NDUFAF5: variants seen among roughly 807,000 people sequenced by gnomAD.
NDUFAF5 encodes NADH:ubiquinone oxidoreductase complex assembly factor 5, also known as arginine-hydroxylase NDUFAF5, mitochondrial.
NDUFAF5 carries 34 observed loss-of-function variants against 48.9 expected under a neutral mutation model. That is an observed-to-expected ratio of 0.70 (90% confidence interval 0.53 to 0.93). The LOEUF is 0.93. Among genes scored for constraint, NDUFAF5 ranks in the 40% least tolerant of loss-of-function variants. The probability of loss-of-function intolerance (pLI) is 0.00; values close to 1 mark genes in which losing one functional copy is unlikely to be tolerated. For synonymous variants in NDUFAF5, 153 were observed against 150.6 expected (o/e 1.02, Z -0.12); for missense variants, 428 against 427.5 (o/e 1.00, Z -0.01).
At chr20:13,802,905 A>G (rs1390886177) in intron 7 of NDUFAF5, among the ~76,000 whole-genome samples, 3 of 152,128 alleles carry the variant, frequency 2.0e-5, no homozygotes, top group South Asian at 2.1e-4. Flanking sequence ...AAAGGATGTC[A>G]TTACTCTCTT....
Position 13,817,745 on chromosome 20 carries a change from GGAA to G in NDUFAF5, c.*542_*544del, listed in dbSNP as rs1180266026. On this transcript the variant is annotated 3_prime_UTR_variant, in exon 11 of 11. Transcript: ENST00000378106. Reference sequence around the variant, plus strand: ...GGTTTTACACCCCACCCTACCTTAGGGAAGAAGAAAACATTTTAAAGAATACCA... The same window carrying G: ...GGTTTTACACCCCACCCTACCTTAGGGAAGAAAACATTTTAAAGAATACCA... 1 of 453,960 alleles carries G rather than the reference GGAA, an allele frequency of 2.2e-6. No individual in the cohort carries two copies. The highest frequency in any genetic ancestry group is 4.4e-6 in the Non-Finnish European group (1 of 226,762). 28.1% of individuals were successfully genotyped at this position (453,960 alleles called of 1,614,324 possible).
At chr20:13,790,980 A>T (rs1982192222) in intron 3 of NDUFAF5, among the ~76,000 whole-genome samples, 1 of 152,174 alleles carries the variant, frequency 6.6e-6, no homozygotes, top group Non-Finnish European at 1.5e-5. Context: ...TTCTTCTCTT[A>T]CTGGATTTGC....
chr20:13,802,518 A>G (rs1212379170), intron 7 of NDUFAF5, among the ~76,000 whole-genome samples: 2 of 151,960 alleles, frequency 1.3e-5, no homozygotes, highest in Non-Finnish European at 2.9e-5. Context: ...AAAATACAAA[A>G]AATCAGCGAA....
At chr20:13,805,049 C>T (rs1263591731) in intron 7 of NDUFAF5, among the ~76,000 whole-genome samples, 3 of 152,128 alleles carry the variant, frequency 2.0e-5, no homozygotes, top group Non-Finnish European at 4.4e-5. Flanking sequence ...TTACAGTCTA[C>T]CCTCTTGAGA....
At chr20:13,817,058 T>G in intron 10 of NDUFAF5, 60 bp from the exon 11 acceptor site, 1 of 1,564,576 alleles carries the variant, frequency 6.4e-7, no homozygotes, top group Non-Finnish European at 8.8e-7. Flanking sequence ...ATTAAGGGCT[T>G]TAATTGGGGC....
chr20:13,816,754 T>A lies in NDUFAF5; in HGVS notation c.863-121T>A, dbSNP rs1360885351. On this transcript the variant is annotated intron_variant, in intron 9 of 10. Transcript: ENST00000378106. ...AGTATTAAGAATTTTTCATGTAAGATGTTCTCAGAATCTTACAAGTATCCT... is the reference window on the plus strand; with the variant it reads ...AGTATTAAGAATTTTTCATGTAAGAAGTTCTCAGAATCTTACAAGTATCCT... 5 of 778,406 alleles carry A rather than the reference T, an allele frequency of 6.4e-6. No homozygotes were observed. In the Admixed American group the frequency reaches 9.9e-5, roughly 15 times the overall value. The allele number at this position is 778,406 out of a possible 1,614,324, so 48.2% of individuals were successfully genotyped here.
At chr20:13,805,662 G>A (rs562659005) in intron 7 of NDUFAF5, among the ~76,000 whole-genome samples, 37 of 152,102 alleles carry the variant, frequency 2.4e-4, no homozygotes, top group Non-Finnish European at 5.1e-4. Context: ...GTCCTGGCCA[G>A]GCACAGTTGT....
At chr20:13,809,105 C>T in intron 8 of NDUFAF5, 1 of 586,832 alleles carries the variant, frequency 1.7e-6, no homozygotes, top group South Asian at 2.0e-5. Flanking sequence ...AGGCACCAGG[C>T]AGCTGTCACA....
chr20:13,799,623 C>T (rs768973918), intron 6 of NDUFAF5, among the ~76,000 whole-genome samples: 5 of 151,056 alleles, frequency 3.3e-5, no homozygotes, highest in South Asian at 2.1e-4. Flanking sequence ...CTCTTGAACA[C>T]GGGAGGCAGA....
intron 8 of NDUFAF5, among the ~76,000 whole-genome samples, chr20:13,810,798 T>G (rs189754184): frequency 2.0e-5 from 3 of 152,080 alleles, no homozygotes; most frequent in Admixed American, 2.0e-4. Flanking sequence ...AGAGGCAAAG[T>G]TATAGCAGGA....
chr20:13,816,842 T>G (rs1781831722), intron 9 of NDUFAF5, 33 bp from the exon 10 acceptor site: 1 of 1,506,328 alleles, frequency 6.6e-7, no homozygotes, highest in Non-Finnish European at 9.2e-7. Context: ...CTACTTGCAT[T>G]TTTTCAGACT....
Position 13,817,360 on chromosome 20 carries a change from T to C in NDUFAF5, c.*150T>C, listed in dbSNP as rs1402592956. The C allele has an allele frequency of 5.5e-6, 4 of 728,056 alleles. 1 individual carries two copies. The highest frequency in any genetic ancestry group is 5.4e-5 in the East Asian group (2 of 37,306). The allele number at this position is 728,056 out of a possible 1,614,324, so 45.1% of individuals were successfully genotyped here. ...TTAGGAAAACCTAATATCACATCTA[T>C]AGTAACCATTTCAGTTTCATATTGT... On this transcript the variant is annotated 3_prime_UTR_variant, in exon 11 of 11. Coordinates refer to ENST00000378106, the MANE Select transcript of NDUFAF5 (RefSeq NM_024120.5).
intron 7 of NDUFAF5, among the ~76,000 whole-genome samples, chr20:13,807,739 C>T (rs999188142): frequency 3.3e-5 from 5 of 151,150 alleles, no homozygotes; most frequent in South Asian, 2.1e-4. Flanking sequence ...GTTAGGAGAT[C>T]GAGACCAGCC....
intron 8 of NDUFAF5, among the ~76,000 whole-genome samples, chr20:13,812,617 A>G (rs1197263373): frequency 1.3e-5 from 2 of 152,200 alleles, no homozygotes; most frequent in Non-Finnish European, 2.9e-5. Context: ...AGCAGCACTT[A>G]ACTCTGTGCT....
intron 1 of NDUFAF5, 70 bp downstream of exon 1, chr20:13,785,360 G>T (rs1463538022): frequency 7.4e-7 from 1 of 1,356,736 alleles, no homozygotes; most frequent in Non-Finnish European, 1.0e-6. Flanking sequence ...CGCTAGTTCC[G>T]GCTAGGCCCC....
intron 8 of NDUFAF5, among the ~76,000 whole-genome samples, chr20:13,813,474 T>TA (rs1347077690): frequency 2.0e-5 from 3 of 152,190 alleles, no homozygotes; most frequent in Non-Finnish European, 4.4e-5. Flanking sequence ...CACTTAGCGT[T>TA]TATTGAGCAT....
intron 3 of NDUFAF5, 164 bp from the exon 4 acceptor site, chr20:13,793,016 G>T (rs916110336): frequency 1.4e-6 from 1 of 721,928 alleles, no homozygotes; most frequent in Admixed American, 2.2e-5. Flanking sequence ...ATATAGCAAA[G>T]GATATGTGTT....
chr20:13,803,776 A>G (rs932201816), intron 7 of NDUFAF5, among the ~76,000 whole-genome samples: 2 of 151,562 alleles, frequency 1.3e-5, no homozygotes, highest in Admixed American at 6.6e-5. Context: ...AAAAATAACT[A>G]TATTTTCTTT....
At chr20:13,799,879 A>G (rs1006566052) in intron 6 of NDUFAF5, among the ~76,000 whole-genome samples, 1 of 152,120 alleles carries the variant, frequency 6.6e-6, no homozygotes, top group Non-Finnish European at 1.5e-5. Context: ...TTAGATCTGA[A>G]GATCAAAGGG....
Sources: gnomAD v4.1 joint callset for allele counts (sites outside exome capture counted in the v4.1 genomes callset) on GRCh38, gnomAD v4.1.1 for gene constraint, MANE v1.5 for transcripts, NCBI Gene and HGNC (gene_info 2026-07-23, HGNC 2026-07-21) for gene names.